SLC25A21: variants seen among roughly 807,000 people sequenced by gnomAD.
The protein encoded by SLC25A21 is solute carrier family 25 member 21, also known as mitochondrial 2-oxodicarboxylate carrier.
Under a neutral mutation model 43.8 loss-of-function variants are expected in SLC25A21, and 47 were observed. The ratio of observed to expected loss-of-function variants is 1.07; its 90% CI spans 0.85 to 1.37. The LOEUF is 1.37. SLC25A21 is among the 40% of genes most tolerant of loss of function. The pLI is 0.00. For synonymous variants in SLC25A21, 131 were observed against 121.3 expected (o/e 1.08, Z -0.52); for missense variants, 352 against 350.2 (o/e 1.00, Z -0.04).
chr14:37,150,646 A>G (rs1022519367), intron 1 of SLC25A21, among the ~76,000 whole-genome samples: 1 of 152,212 alleles, frequency 6.6e-6, no homozygotes, highest in Non-Finnish European at 1.5e-5. Context: ...AAGAAAATAA[A>G]AAGCAAATCA....
At chr14:36,832,717 G>T (rs1330411184) in intron 2 of SLC25A21, among the ~76,000 whole-genome samples, 2 of 152,168 alleles carry the variant, frequency 1.3e-5, no homozygotes, top group African/African-American at 4.8e-5. Flanking sequence ...TTTATTGCCT[G>T]TTTGCAGCTT....
intron 1 of SLC25A21, among the ~76,000 whole-genome samples, chr14:37,097,517 A>G (rs567927712): frequency 1.0e-3 from 153 of 152,258 alleles, no homozygotes; most frequent in African/African-American, 3.6e-3. Flanking sequence ...CCATATTCTC[A>G]GGAAAAACAC....
chr14:37,172,368 A>T lies in SLC25A21; in HGVS notation c.-18T>A, dbSNP rs1410495614. Reference sequence around the variant, plus strand: ...GCGGACATCTTCGCCAGGCGGGAGGACAAGGGAGTGGGCTGAGATGCGTCA... The same window carrying T: ...GCGGACATCTTCGCCAGGCGGGAGGTCAAGGGAGTGGGCTGAGATGCGTCA... On this transcript the variant is annotated 5_prime_UTR_variant, in exon 1 of 10. Transcript: ENST00000331299. The T allele has an allele frequency of 2.5e-6, 4 of 1,589,052 alleles. No individual in the cohort carries two copies. The highest frequency in any genetic ancestry group is 3.4e-6 in the Non-Finnish European group (4 of 1,167,548).
chr14:36,978,956 C>T (rs1262819097), intron 1 of SLC25A21, among the ~76,000 whole-genome samples: 1 of 152,154 alleles, frequency 6.6e-6, no homozygotes, highest in Non-Finnish European at 1.5e-5. Context: ...GACGTGCTGC[C>T]ACGCACCTGC....
chr14:36,903,390 T>C (rs935345807), intron 1 of SLC25A21, among the ~76,000 whole-genome samples: 1 of 151,930 alleles, frequency 6.6e-6, no homozygotes, highest in African/African-American at 2.4e-5. Flanking sequence ...GGTGGGTGGA[T>C]CACTTGAGGT....
intron 3 of SLC25A21, among the ~76,000 whole-genome samples, chr14:36,754,471 G>C (rs1885846228): frequency 6.6e-6 from 1 of 152,188 alleles, no homozygotes; most frequent in African/African-American, 2.4e-5. Flanking sequence ...AGGGAAATAA[G>C]ATTCGATGAG....
At chr14:36,952,100 G>A (rs551906818) in intron 1 of SLC25A21, among the ~76,000 whole-genome samples, 1 of 152,172 alleles carries the variant, frequency 6.6e-6, no homozygotes, top group South Asian at 2.1e-4. Context: ...GGGCATGGTG[G>A]TGCGTGCCTG....
chr14:36,799,976 G>C (rs751299375), intron 3 of SLC25A21, among the ~76,000 whole-genome samples: 1 of 152,146 alleles, frequency 6.6e-6, no homozygotes, highest in Non-Finnish European at 1.5e-5. Context: ...GCGAACACTA[G>C]AAGGATAAAA....
At chr14:37,033,832 AAATAAC>A (rs1961270105) in intron 1 of SLC25A21, among the ~76,000 whole-genome samples, 1 of 152,164 alleles carries the variant, frequency 6.6e-6, no homozygotes, top group Admixed American at 6.5e-5. Context: ...TGATTAATAA[AAATAAC>A]ATTTACATCT....
At chr14:36,687,700 T>C (rs1466286310) in intron 7 of SLC25A21, among the ~76,000 whole-genome samples, 7 of 152,188 alleles carry the variant, frequency 4.6e-5, no homozygotes, top group Admixed American at 3.3e-4. Flanking sequence ...CTGCTTTCTT[T>C]GTCACATGCC....
intron 1 of SLC25A21, among the ~76,000 whole-genome samples, chr14:37,060,083 TA>T (rs551316982): frequency 1.5e-4 from 22 of 149,360 alleles, no homozygotes; most frequent in African/African-American, 3.4e-4. Flanking sequence ...CTAGCCCCTT[TA>T]AAAAAAAAAT....
intron 5 of SLC25A21, among the ~76,000 whole-genome samples, chr14:36,728,953 G>T (rs1400499868): frequency 6.6e-6 from 1 of 152,184 alleles, no homozygotes; most frequent in Non-Finnish European, 1.5e-5. Context: ...ATGGCATAGG[G>T]AAATGTTCAA....
chr14:36,787,070 G>T (rs547913373), intron 3 of SLC25A21, among the ~76,000 whole-genome samples: 3 of 152,344 alleles, frequency 2.0e-5, no homozygotes, highest in Non-Finnish European at 2.9e-5. Context: ...AGGGACTGGG[G>T]TGGTGCTCTT....
intron 3 of SLC25A21, among the ~76,000 whole-genome samples, chr14:36,765,994 A>G (rs1184822795): frequency 6.6e-6 from 1 of 151,422 alleles, no homozygotes; most frequent in Non-Finnish European, 1.5e-5. Context: ...AATGGTTATC[A>G]GCCTTGGAGC....
Position 37,172,436 on chromosome 14 carries a change from G to T in SLC25A21, c.-86C>A. ...ACAGCCTACTGATCCAGAGAGCCCC[G>T]GCTGGGCTGGTCCTCAAGCGCGTTG... On this transcript the variant is annotated 5_prime_UTR_variant, in exon 1 of 10. Transcript: ENST00000331299. 1 of 1,398,574 alleles carries T rather than the reference G, an allele frequency of 7.2e-7. No individual in the cohort carries two copies. Among genetic ancestry groups the T allele is most frequent in the Non-Finnish European group, 9.9e-7 (1 of 1,007,446 alleles). 86.6% of individuals were successfully genotyped at this position (1,398,574 alleles called of 1,614,324 possible). A position where few individuals can be genotyped will look rare whatever the true frequency, so the allele number is the denominator to read the frequency against.
intron 1 of SLC25A21, among the ~76,000 whole-genome samples, chr14:36,964,917 G>A (rs1959578751): frequency 6.6e-6 from 1 of 151,726 alleles, no homozygotes; most frequent in Non-Finnish European, 1.5e-5. Context: ...TATTAATTTA[G>A]TTTTTTTTCC....
intron 1 of SLC25A21, among the ~76,000 whole-genome samples, chr14:36,986,984 T>G (rs1960161318): frequency 6.6e-6 from 1 of 152,106 alleles, no homozygotes; most frequent in African/African-American, 2.4e-5. Flanking sequence ...TTAATGTCCT[T>G]GAAACACCAT....
intron 2 of SLC25A21, among the ~76,000 whole-genome samples, chr14:36,837,919 G>A (rs1361468857): frequency 6.6e-6 from 1 of 152,200 alleles, no homozygotes; most frequent in Admixed American, 6.5e-5. Context: ...CGGGACAGCA[G>A]GGTCTGAAGA....
At chr14:37,121,326 A>G (rs1434051408) in intron 1 of SLC25A21, among the ~76,000 whole-genome samples, 1 of 152,204 alleles carries the variant, frequency 6.6e-6, no homozygotes, top group Non-Finnish European at 1.5e-5. Flanking sequence ...TTGTGTGAAC[A>G]TGAGTTCAAT....
Sources: gnomAD v4.1 joint callset for allele counts (sites outside exome capture counted in the v4.1 genomes callset) on GRCh38, gnomAD v4.1.1 for gene constraint, MANE v1.5 for transcripts, NCBI Gene and HGNC (gene_info 2026-07-23, HGNC 2026-07-21) for gene names.